Variants in RANBP2 observed in about 807,000 individuals in gnomAD.
RANBP2 encodes the protein RAN binding protein 2, also known as E3 SUMO-protein ligase RanBP2.
In RANBP2, 57 loss-of-function variants were observed where a neutral mutation model predicts 303.6. The ratio of observed to expected loss-of-function variants is 0.19; its 90% CI spans 0.15 to 0.23. RANBP2 has a LOEUF of 0.23. RANBP2 is among the 10% of genes least tolerant of loss of function. The probability of loss-of-function intolerance (pLI) is 1.00; values close to 1 mark genes in which losing one functional copy is unlikely to be tolerated. For synonymous variants in RANBP2, 1,167 were observed against 1,301.5 expected, an observed-to-expected ratio of 0.90 and a Z score of 2.23; for missense variants, 3,138 against 3,780.8, an observed-to-expected ratio of 0.83 and a Z score of 4.46.
At chr2:109,280,669 A>G in the RANBP2 span, among the ~76,000 whole-genome samples, 4 of 152,242 alleles carry the variant, frequency 2.6e-5, no homozygotes, top group African/African-American at 9.6e-5. Flanking sequence ...CATTCGGGTA[A>G]TGTAAACAAC....
chr2:109,180,950 C>A, the RANBP2 span, among the ~76,000 whole-genome samples: 1 of 152,208 alleles, frequency 6.6e-6, no homozygotes, highest in African/African-American at 2.4e-5. Context: ...TTTCTCCATG[C>A]AATATGTTTA....
chr2:108,731,593 T>C lies in RANBP2; in HGVS notation c.405+119T>C, dbSNP rs965571109. On this transcript the variant is annotated intron_variant, in intron 4 of 28. Coordinates refer to ENST00000283195, the MANE Select transcript of RANBP2 (RefSeq NM_006267.5). ...CAGGTGTTAGTGTTTCCTTTAAAAATTTTCTTTTAAAAAGTGTGTTAAAAC... is the reference window on the plus strand; with the variant it reads ...CAGGTGTTAGTGTTTCCTTTAAAAACTTTCTTTTAAAAAGTGTGTTAAAAC... 44 of 1,559,584 alleles carry C rather than the reference T, an allele frequency of 2.8e-5. No homozygotes were observed. The African/African-American group carries it at 5.1e-4, about 18-fold the overall frequency.
chr2:109,475,552 T>C, the RANBP2 span, among the ~76,000 whole-genome samples: 3 of 152,326 alleles, frequency 2.0e-5, no homozygotes, highest in Admixed American at 1.3e-4. Flanking sequence ...CAGGGACATA[T>C]GCCACAGAGG....
At chr2:109,694,963 C>T in the RANBP2 span, among the ~76,000 whole-genome samples, 4 of 152,028 alleles carry the variant, frequency 2.6e-5, no homozygotes, top group African/African-American at 7.2e-5. Flanking sequence ...ATATGGGTTC[C>T]TGTTCCACCT....
the RANBP2 span, among the ~76,000 whole-genome samples, chr2:109,242,897 A>G: frequency 6.6e-6 from 1 of 152,088 alleles, no homozygotes; most frequent in African/African-American, 2.4e-5. Context: ...GCATCCAAAA[A>G]CCTCACAGAA....
chr2:109,004,584 C>T, the RANBP2 span, among the ~76,000 whole-genome samples: 554 of 152,254 alleles, frequency 3.6e-3, 2 homozygotes, highest in Admixed American at 8.2e-3. Flanking sequence ...GTGGGTTCCA[C>T]CACTGCAAAG....
At chr2:109,574,645 A>G in the RANBP2 span, 1 of 1,605,396 alleles carries the variant, frequency 6.2e-7, no homozygotes, top group Admixed American at 1.7e-5. Context: ...TGTCGGTGAA[A>G]TGAAGTAGAG....
At chr2:109,514,838 C>G in the RANBP2 span, among the ~76,000 whole-genome samples, 1 of 152,162 alleles carries the variant, frequency 6.6e-6, no homozygotes, top group African/African-American at 2.4e-5. Flanking sequence ...GCCCTGGGCA[C>G]GGCGGTCACT....
the RANBP2 span, among the ~76,000 whole-genome samples, chr2:109,446,565 T>C: frequency 1.3e-5 from 2 of 152,138 alleles, no homozygotes. Flanking sequence ...GGCAGGTCTC[T>C]AGAAGGTGGT....
the RANBP2 span, among the ~76,000 whole-genome samples, chr2:109,425,430 C>T: frequency 6.6e-6 from 1 of 152,200 alleles, no homozygotes; most frequent in African/African-American, 2.4e-5. Context: ...CCATCTAGGA[C>T]TTTCATAGCT....
At chr2:108,893,139 C>T in the RANBP2 span, among the ~76,000 whole-genome samples, 3 of 152,190 alleles carry the variant, frequency 2.0e-5, no homozygotes, top group African/African-American at 7.2e-5. Flanking sequence ...ATTCATGGCT[C>T]AAAATCATCA....
At chr2:109,028,772 A>G in the RANBP2 span, among the ~76,000 whole-genome samples, 15 of 152,252 alleles carry the variant, frequency 9.9e-5, no homozygotes, top group South Asian at 3.1e-3. Context: ...GACCTAAAGC[A>G]GCAGAACAGA....
At chr2:109,187,283 A>T in the RANBP2 span, among the ~76,000 whole-genome samples, 1 of 152,158 alleles carries the variant, frequency 6.6e-6, no homozygotes, top group Non-Finnish European at 1.5e-5. Flanking sequence ...CTTCGATCTG[A>T]TGTGACCTGT....
chr2:109,323,836 T>C, the RANBP2 span, among the ~76,000 whole-genome samples: 1 of 152,384 alleles, frequency 6.6e-6, no homozygotes, highest in African/African-American at 2.4e-5. Context: ...TTTTAGCTTT[T>C]CTTATGTTTT....
chr2:109,131,868 G>A, the RANBP2 span, among the ~76,000 whole-genome samples: 22 of 152,272 alleles, frequency 1.4e-4, no homozygotes, highest in Admixed American at 1.4e-3. Flanking sequence ...TAATAGACGA[G>A]CACTTATTTA....
chr2:109,516,988 C>T, the RANBP2 span, among the ~76,000 whole-genome samples: 1 of 152,102 alleles, frequency 6.6e-6, no homozygotes, highest in East Asian at 1.9e-4. Context: ...GTGTACAGTT[C>T]GGGTAAGGGT....
At chr2:109,130,506 T>C in the RANBP2 span, among the ~76,000 whole-genome samples, 6 of 152,258 alleles carry the variant, frequency 3.9e-5, no homozygotes, top group Admixed American at 3.9e-4. Flanking sequence ...AGTTAGCCCT[T>C]AACGTTTCTG....
intron 6 of RANBP2, among the ~76,000 whole-genome samples, chr2:108,736,634 A>G (rs550519563): frequency 2.0e-5 from 3 of 152,252 alleles, no homozygotes; most frequent in Non-Finnish European, 4.4e-5. Context: ...GTTCACATGT[A>G]TTAGTATAAG....
the RANBP2 span, chr2:108,930,179 G>T: frequency 6.2e-7 from 1 of 1,614,086 alleles, no homozygotes; most frequent in Non-Finnish European, 8.5e-7. Flanking sequence ...CCCGTAGTCT[G>T]GTTGTAGTAC....
Sources: allele counts gnomAD v4.1 joint callset (sites outside exome capture counted in the v4.1 genomes callset), GRCh38; gene constraint gnomAD v4.1.1; transcripts MANE v1.5; gene names NCBI Gene and HGNC (gene_info 2026-07-23, HGNC 2026-07-21).